Variants in DNMT1 observed in about 807,000 individuals in gnomAD.
DNMT1 encodes DNA methyltransferase 1, also known as DNA (cytosine-5)-methyltransferase 1.
In DNMT1, 24 loss-of-function variants were observed where a neutral mutation model predicts 205.3. The observed-to-expected ratio is 0.12, with a 90% CI of 0.08 to 0.16. The LOEUF (loss-of-function observed/expected upper bound fraction) is 0.16, where lower values mean the gene tolerates loss of function less well. Among genes scored for constraint, DNMT1 ranks in the 10% least tolerant of loss-of-function variants. DNMT1 has a pLI of 1.00. For synonymous variants in DNMT1, 817 were observed against 839.8 expected (o/e 0.97, Z 0.47); for missense variants, 1,293 against 2,177.7 (o/e 0.59, Z 8.09).
chr19:10,171,735 G>A (rs551330564), intron 9 of DNMT1, among the ~76,000 whole-genome samples: 47 of 152,192 alleles, frequency 3.1e-4, no homozygotes, highest in African/African-American at 1.1e-3. Flanking sequence ...AACCCAGGAG[G>A]TGGAGCTTGC....
intron 1 of DNMT1, among the ~76,000 whole-genome samples, chr19:10,186,703 T>C (rs2039189745): frequency 1.3e-5 from 2 of 151,734 alleles, no homozygotes; most frequent in South Asian, 4.2e-4. Flanking sequence ...CCAGGCATGG[T>C]GGCACATGCC....
chr19:10,166,866 G>A lies in DNMT1; in HGVS notation c.804-181C>T, dbSNP rs891803369. 3.3e-5 allele frequency among the ~76,000 whole-genome samples: 5 copies of A among 152,206 alleles called. No homozygotes were observed. In the East Asian group the frequency reaches 9.6e-4, roughly 29 times the overall value. On this transcript the variant is annotated intron_variant, in intron 10 of 40. Coordinates refer to ENST00000359526, the MANE Select transcript of DNMT1 (RefSeq NM_001130823.3). ...CTACTCCAGGACTCAAGGTCTTCAG[G>A]AACACCATCAATACCCCATCTGAAT...
At position 10,140,503 on chromosome 19, in the gene DNMT1, G is replaced by A. The variant is rs1228765662; in HGVS notation, c.3524-175C>T. ...TCCCACCTCAGCCTCCTGAGTAGCT[G>A]GGACTACAGGCACACACCACCACGC... On this transcript the variant is annotated intron_variant, in intron 32 of 40. Transcript: ENST00000359526. The surrounding 1 kb of genome is among the most constrained non-coding windows in gnomAD (Gnocchi z 8.4). The A allele has an allele frequency of 6.0e-6, 6 of 1,003,554 alleles. No homozygotes were observed. The highest frequency in any genetic ancestry group is 7.3e-6 in the Non-Finnish European group (5 of 681,764). The allele number at this position is 1,003,554 out of a possible 1,614,324, so 62.2% of individuals were successfully genotyped here. A position where few individuals can be genotyped will look rare whatever the true frequency, so the allele number is the denominator to read the frequency against.
intron 12 of DNMT1, among the ~76,000 whole-genome samples, 167 bp downstream of exon 12, chr19:10,163,159 A>G (rs562392380): frequency 6.6e-6 from 1 of 151,938 alleles, no homozygotes; most frequent in South Asian, 2.1e-4. Flanking sequence ...ACAGGGTTCC[A>G]CCATGTTGGC....
intron 34 of DNMT1, 24 bp downstream of exon 34, chr19:10,139,652 G>A: frequency 6.2e-7 from 1 of 1,608,666 alleles, no homozygotes. Flanking sequence ...ACATCTGTCT[G>A]CCCGCCCCAG....
At chr19:10,181,342 C>A (rs1372254150) in intron 2 of DNMT1, among the ~76,000 whole-genome samples, 1 of 150,306 alleles carries the variant, frequency 6.7e-6, no homozygotes, top group Non-Finnish European at 1.5e-5. Flanking sequence ...TAGAGCTACT[C>A]AGGAGGCTGA....
intron 17 of DNMT1, among the ~76,000 whole-genome samples, chr19:10,157,729 A>G (rs1360003915): frequency 6.6e-6 from 1 of 152,208 alleles, no homozygotes; most frequent in Non-Finnish European, 1.5e-5. Context: ...TGGCAGACAG[A>G]ATAGGTTGCA....
rs770887598 is a variant in DNMT1 at position 10,154,932 on chromosome 19, G to A, written c.1617C>T (p.Thr539=). Residue 539 remains threonine, a synonymous_variant, in exon 20 of 41, where the codon ACC becomes ACT. Coordinates refer to ENST00000359526, the MANE Select transcript of DNMT1 (RefSeq NM_001130823.3). This position sits in a 1 kb window ranked among gnomAD's most constrained non-coding sequence, Gnocchi z 6.3. ...CGATCTTGTTGATCAGGTCCTCATA[G>A]GTCGAGTCGGAATTGCTCTGCAGGA... ...VEFLQSNSDS[T]YEDLINKIET... 3.1e-6 allele frequency: 5 copies of A among 1,614,218 alleles called. No individual in the cohort carries two copies. Among genetic ancestry groups the A allele is most frequent in the Non-Finnish European group, 4.2e-6 (5 of 1,180,054 alleles).
rs965886119 is a variant in DNMT1, at chr19:10,139,824, G to A, written c.3807-7C>T. On this transcript the variant is annotated splice_polypyrimidine_tract_variant and splice_region_variant and intron_variant, in intron 33 of 40. Coordinates refer to ENST00000359526, the MANE Select transcript of DNMT1 (RefSeq NM_001130823.3). Reference sequence around the variant, plus strand: ...CCGGTAGTAGTCGCAGTAGCTGTAGGGGGCAGGAGAGACTGCAGGAGTCAC... The same window carrying A: ...CCGGTAGTAGTCGCAGTAGCTGTAGAGGGCAGGAGAGACTGCAGGAGTCAC... The A allele has an allele frequency of 6.4e-7, 1 of 1,571,980 alleles. No homozygotes were observed. The highest frequency in any genetic ancestry group is 1.3e-5 in the African/African-American group (1 of 74,262).
At chr19:10,162,983 T>C in intron 12 of DNMT1, 1 of 532,920 alleles carries the variant, frequency 1.9e-6, no homozygotes. Context: ...TTTTTTTTTT[T>C]TGAGACAGAG....
chr19:10,161,951 C>T (rs2145327583), intron 13 of DNMT1, among the ~76,000 whole-genome samples: 1 of 151,720 alleles, frequency 6.6e-6, no homozygotes, highest in African/African-American at 2.4e-5. Context: ...AAGTGACTCT[C>T]CTGCCTCAGC....
chr19:10,146,463 C>T lies in DNMT1; in HGVS notation c.2782G>A (p.Glu928Lys), dbSNP rs755625901. Residue 928 changes from glutamate (E) to lysine (K), a missense_variant, in exon 28 of 41, where the codon GAG becomes AAG. This residue lies in a region of DNMT1 where 112 missense variants were observed against 116.6 expected (regional missense o/e 0.96). Transcript: ENST00000359526. This position sits in a 1 kb window ranked among gnomAD's most constrained non-coding sequence, Gnocchi z 4.4. ...CGGCTATCCAGGTCCTCGAGCTGCTCCAGGACCCTGGGGATTTCTTTTTGC... is the reference window on the plus strand; with the variant it reads ...CGGCTATCCAGGTCCTCGAGCTGCTTCAGGACCCTGGGGATTTCTTTTTGC... The part of the protein sequence containing the change: ...MRQKEIPRVL[E>K]QLEDLDSRVL... The T allele has an allele frequency of 1.9e-6, 3 of 1,614,140 alleles. No individual in the cohort carries two copies. The highest frequency in any genetic ancestry group is 2.2e-5 in the South Asian group (2 of 91,074).
At chr19:10,177,463 G>T in intron 5 of DNMT1, 96 bp from the exon 6 acceptor site, 1 of 1,215,960 alleles carries the variant, frequency 8.2e-7, no homozygotes, top group Non-Finnish European at 1.2e-6. Flanking sequence ...CTAAGCTATT[G>T]CAGGAAGCCA....
rs1200497944 is a variant in DNMT1 at position 10,156,742 on chromosome 19, C to T, written c.1281-233G>A. On this transcript the variant is annotated intron_variant, in intron 17 of 40. Coordinates refer to ENST00000359526, the MANE Select transcript of DNMT1 (RefSeq NM_001130823.3). This position sits in a 1 kb window ranked among gnomAD's most constrained non-coding sequence, Gnocchi z 4.2. ...AAGTAATTCTCCTGCCTCAGCCTCC[C>T]GAGTAGCTGGGATTACAGGCCTGAA... Among the ~76,000 whole-genome samples, 2 of 152,100 alleles carry T rather than the reference C, an allele frequency of 1.3e-5. No homozygotes were observed. Among genetic ancestry groups the T allele is most frequent in the Admixed American group, 6.6e-5 (1 of 15,256 alleles).
At chr19:10,190,850 T>C (rs1156896793) in intron 1 of DNMT1, among the ~76,000 whole-genome samples, 3 of 151,894 alleles carry the variant, frequency 2.0e-5, no homozygotes, top group Non-Finnish European at 4.4e-5. Flanking sequence ...GACACCATCA[T>C]ACCTGTAATC....
At chr19:10,139,130 A>G (rs1483814893) in intron 34 of DNMT1, among the ~76,000 whole-genome samples, 1 of 152,106 alleles carries the variant, frequency 6.6e-6, no homozygotes, top group African/African-American at 2.4e-5. Flanking sequence ...TGATACAGAG[A>G]GGATGGGGGA....
chr19:10,158,821 C>T (rs1474252676), intron 17 of DNMT1, among the ~76,000 whole-genome samples: 4 of 152,252 alleles, frequency 2.6e-5, no homozygotes, highest in Non-Finnish European at 5.9e-5. Flanking sequence ...CCTCCGAGCC[C>T]TGGTAATGGT....
At chr19:10,144,879 CAG>C (rs2089669463) in intron 28 of DNMT1, 1 of 152,266 alleles carries the variant, frequency 6.6e-6, no homozygotes, top group African/African-American at 2.4e-5. Flanking sequence ...GCTGGGATTA[CAG>C]GTGCCCACCA....
In DNMT1 at chr19:10,186,966, T is replaced by G. The variant is rs192012992; in HGVS notation, c.81-4889A>C. On this transcript the variant is annotated intron_variant, in intron 1 of 40. Coordinates refer to ENST00000359526, the MANE Select transcript of DNMT1 (RefSeq NM_001130823.3). ...TCAGGAAGAAGTTGACAGCTCTGTG[T>G]GAACCGGGCACAGGAAGCTGCTCAA... is the stretch of plus-strand genomic sequence containing the variant. Among the ~76,000 whole-genome samples the G allele has an allele frequency of 1.5e-3, 226 of 151,884 alleles. 2 individuals are homozygous for G. Among genetic ancestry groups the G allele is most frequent in the African/African-American group, 5.0e-3 (209 of 41,394 alleles).
Sources: allele counts gnomAD v4.1 joint callset (sites outside exome capture counted in the v4.1 genomes callset), GRCh38; gene constraint gnomAD v4.1.1; regional missense constraint gnomAD v4.1.1; non-coding constraint Gnocchi (gnomAD v3.1); transcripts MANE v1.5; gene names NCBI Gene and HGNC (gene_info 2026-07-23, HGNC 2026-07-21).